RGS6: variants seen among roughly 807,000 people sequenced by gnomAD.
RGS6 encodes the protein regulator of G protein signaling 6.
In RGS6, 30 loss-of-function variants were observed where a neutral mutation model predicts 78.5. The observed-to-expected ratio is 0.38, with a 90% CI of 0.29 to 0.52. The LOEUF is 0.52. Ranked by LOEUF, RGS6 falls within the 20% of genes least tolerant of loss-of-function variation. The pLI, the probability that RGS6 is intolerant of heterozygous loss-of-function variation, is 0.85. For missense variants in RGS6, 495 were observed against 609.7 expected, an observed-to-expected ratio of 0.81 and a Z score of 1.98; for synonymous variants, 206 against 206.0, an observed-to-expected ratio of 1.00 and a Z score of 0.00.
intron 2 of RGS6, among the ~76,000 whole-genome samples, chr14:72,297,431 T>TA (rs1176357493): frequency 0.057 from 7,211 of 125,940 alleles, 523 homozygotes; most frequent in African/African-American, 0.21. Context: ...TTATTATTAT[T>TA]TTTTTTTTAT....
At chr14:71,879,435 A>T in the RGS6 span, among the ~76,000 whole-genome samples, 1 of 152,192 alleles carries the variant, frequency 6.6e-6, no homozygotes, top group Non-Finnish European at 1.5e-5. Flanking sequence ...TGAATATTAA[A>T]TGACAGGTGC....
intron 15 of RGS6, among the ~76,000 whole-genome samples, chr14:72,525,737 C>A (rs749170113): frequency 1.3e-5 from 2 of 152,192 alleles, no homozygotes; most frequent in Non-Finnish European, 2.9e-5. Flanking sequence ...GCCAGTATCA[C>A]AAGACCACAC....
chr14:72,487,284 T>C (rs919871796), intron 12 of RGS6, among the ~76,000 whole-genome samples: 5 of 152,240 alleles, frequency 3.3e-5, no homozygotes, highest in Non-Finnish European at 5.9e-5. Context: ...GTGACTTTAT[T>C]TTCTACATAG....
intron 3 of RGS6, among the ~76,000 whole-genome samples, chr14:72,423,215 G>T (rs2094280884): frequency 2.0e-5 from 3 of 152,174 alleles, no homozygotes; most frequent in Admixed American, 2.0e-4. Context: ...GCCAGACATA[G>T]CCACAGACAA....
chr14:72,336,328 CTATGAATCTGGCA>C (rs2076021803), intron 2 of RGS6, among the ~76,000 whole-genome samples: 1 of 152,202 alleles, frequency 6.6e-6, no homozygotes, highest in Non-Finnish European at 1.5e-5. Context: ...TAAATCTGGA[CTATGAATCTGGCA>C]TTCATTCTTA....
At chr14:72,014,466 C>A (rs993803451) in intron 2 of RGS6, among the ~76,000 whole-genome samples, 1 of 152,138 alleles carries the variant, frequency 6.6e-6, no homozygotes, top group Non-Finnish European at 1.5e-5. Flanking sequence ...TTGTATGAGG[C>A]TTTGATTTTT....
At chr14:72,433,315 A>T (rs7153117) in intron 3 of RGS6, among the ~76,000 whole-genome samples, 1 of 151,458 alleles carries the variant, frequency 6.6e-6, no homozygotes, top group South Asian at 2.1e-4. Flanking sequence ...GAGGGGAGCA[A>T]CACACACTGG....
At chr14:72,100,495 A>C (rs2095505640) in intron 2 of RGS6, among the ~76,000 whole-genome samples, 1 of 152,152 alleles carries the variant, frequency 6.6e-6, no homozygotes, top group Non-Finnish European at 1.5e-5. Context: ...ACTCTCAAAA[A>C]CAAAACCAAA....
chr14:72,048,262 C>T (rs2093006983), intron 2 of RGS6, among the ~76,000 whole-genome samples: 1 of 152,212 alleles, frequency 6.6e-6, no homozygotes, highest in Non-Finnish European at 1.5e-5. Flanking sequence ...TTCTATCAAG[C>T]TTCAGAACCA....
At chr14:72,033,909 TTC>T (rs537811083) in intron 2 of RGS6, among the ~76,000 whole-genome samples, 17 of 152,188 alleles carry the variant, frequency 1.1e-4, no homozygotes, top group Non-Finnish European at 2.5e-4. Flanking sequence ...ACTTGGTATT[TTC>T]TGTTTTGTTT....
chr14:72,388,745 G>A (rs980993909), intron 3 of RGS6, among the ~76,000 whole-genome samples: 3 of 152,140 alleles, frequency 2.0e-5, no homozygotes, highest in African/African-American at 7.2e-5. Context: ...TTGAATCCCA[G>A]CTCTACTCAC....
At chr14:72,471,001 TCCACC>T (rs1254059241) in intron 8 of RGS6, among the ~76,000 whole-genome samples, 1 of 151,892 alleles carries the variant, frequency 6.6e-6, no homozygotes, top group Non-Finnish European at 1.5e-5. Context: ...CCCCAGCATC[TCCACC>T]CCACCCCACC....
intron 2 of RGS6, among the ~76,000 whole-genome samples, chr14:72,180,418 T>G (rs2153697797): frequency 6.6e-6 from 1 of 152,352 alleles, no homozygotes; most frequent in Middle Eastern, 3.4e-3. Context: ...CTCCAAACTT[T>G]ATACAAGACA....
intron 2 of RGS6, among the ~76,000 whole-genome samples, chr14:72,255,278 C>CT (rs2056829094): frequency 6.6e-6 from 1 of 152,086 alleles, no homozygotes; most frequent in African/African-American, 2.4e-5. Context: ...CCACGGTGGC[C>CT]TAGGGTGCAA....
chr14:72,201,114 G>A (rs1334047054), intron 2 of RGS6, among the ~76,000 whole-genome samples: 1 of 152,196 alleles, frequency 6.6e-6, no homozygotes, highest in East Asian at 1.9e-4. Flanking sequence ...GTGGTGCCTT[G>A]GGGAGCCCGC....
chr14:72,006,503 A>C (rs534403247), intron 2 of RGS6, among the ~76,000 whole-genome samples: 8 of 152,240 alleles, frequency 5.3e-5, no homozygotes, highest in Non-Finnish European at 1.2e-4. Context: ...TAGGCAATGT[A>C]TGCAGAGAGG....
intron 3 of RGS6, among the ~76,000 whole-genome samples, chr14:72,415,666 C>T (rs549455899): frequency 3.7e-4 from 57 of 152,340 alleles, no homozygotes; most frequent in Admixed American, 2.3e-3. Flanking sequence ...TGTTCCTATT[C>T]GGCCATCTTG....
At chr14:72,536,097 T>C in intron 15 of RGS6, 89 bp from the exon 16 acceptor site, 1 of 1,038,572 alleles carries the variant, frequency 9.6e-7, no homozygotes. Context: ...TTCATCTCCT[T>C]CCCCAAAACA....
At chr14:72,152,570 C>T (rs544989342) in intron 2 of RGS6, among the ~76,000 whole-genome samples, 3 of 152,290 alleles carry the variant, frequency 2.0e-5, no homozygotes, top group African/African-American at 4.8e-5. Context: ...AAACTAACAA[C>T]ACTTGAAGAA....
Sources: gnomAD v4.1 joint callset for allele counts (sites outside exome capture counted in the v4.1 genomes callset) on GRCh38, gnomAD v4.1.1 for gene constraint, MANE v1.5 for transcripts, NCBI Gene and HGNC (gene_info 2026-07-23, HGNC 2026-07-21) for gene names.